GABRB1: variants seen among roughly 807,000 people sequenced by gnomAD.
GABRB1 encodes gamma-aminobutyric acid receptor subunit beta-1.
Under a neutral mutation model 51.6 loss-of-function variants are expected in GABRB1, and 17 were observed. The ratio of observed to expected loss-of-function variants is 0.33; its 90% CI spans 0.23 to 0.49. The LOEUF is 0.49. GABRB1 is among the 20% of genes least tolerant of loss of function. The probability of loss-of-function intolerance (pLI) is 0.99; values close to 1 mark genes in which losing one functional copy is unlikely to be tolerated. For missense variants in GABRB1, 410 were observed against 600.6 expected, an observed-to-expected ratio of 0.68 and a Z score of 3.32; for synonymous variants, 247 against 218.9, an observed-to-expected ratio of 1.13 and a Z score of -1.14.
At chr4:47,081,838 C>T (rs986067007) in intron 3 of GABRB1, among the ~76,000 whole-genome samples, 63 of 152,010 alleles carry the variant, frequency 4.1e-4, no homozygotes, top group African/African-American at 1.5e-3. Context: ...GGCAGAATAC[C>T]CTTTGGGGAA....
intron 8 of GABRB1, among the ~76,000 whole-genome samples, chr4:47,414,591 G>A (rs7678771): frequency 0.27 from 41,769 of 151,956 alleles, 6,195 homozygotes; most frequent in African/African-American, 0.38. Context: ...TGATTTGGGG[G>A]CCCCAAGATT....
chr4:47,344,339 G>A (rs897358366), intron 5 of GABRB1, among the ~76,000 whole-genome samples: 1 of 152,178 alleles, frequency 6.6e-6, no homozygotes, highest in Admixed American at 6.5e-5. Flanking sequence ...CTGTGTTCGG[G>A]TATAAAAAGA....
At position 47,159,564 on chromosome 4, in the gene GABRB1, G is replaced by A. The variant is rs184780403; in HGVS notation, c.241-1685G>A. 8.6e-4 allele frequency among the ~76,000 whole-genome samples: 131 copies of A among 151,898 alleles called. 1 individual carries two copies. The highest frequency in any genetic ancestry group is 6.9e-3 in the Middle Eastern group (2 of 290). On this transcript the variant is annotated intron_variant, in intron 3 of 8. Coordinates refer to ENST00000295454, the MANE Select transcript of GABRB1 (RefSeq NM_000812.4). ...GAAGGAGGTTTCATATCTTTAGAAA[G>A]GATATTGTGTGACTAACAGTCAAAC...
intron 3 of GABRB1, among the ~76,000 whole-genome samples, chr4:47,079,356 A>C (rs1029970278): frequency 6.6e-6 from 1 of 152,126 alleles, no homozygotes; most frequent in African/African-American, 2.4e-5. Context: ...TGTATGTGTC[A>C]AGGAATTTCT....
chr4:47,241,062 T>C (rs982039589), intron 4 of GABRB1, among the ~76,000 whole-genome samples: 3 of 152,142 alleles, frequency 2.0e-5, no homozygotes, highest in African/African-American at 4.8e-5. Context: ...TCCAGATCAG[T>C]TTCAGAAGTT....
At chr4:47,114,607 G>A (rs1281436442) in intron 3 of GABRB1, among the ~76,000 whole-genome samples, 1 of 152,102 alleles carries the variant, frequency 6.6e-6, no homozygotes, top group African/African-American at 2.4e-5. Context: ...TTTCTTCTTT[G>A]TTAGTTTGTA....
intron 3 of GABRB1, among the ~76,000 whole-genome samples, chr4:47,069,912 A>C (rs1727247698): frequency 6.6e-6 from 1 of 152,144 alleles, no homozygotes; most frequent in Admixed American, 6.6e-5. Flanking sequence ...GTACTCCACC[A>C]GAACACCTCA....
chr4:47,349,433 C>T (rs910639725), intron 5 of GABRB1, among the ~76,000 whole-genome samples: 2 of 152,140 alleles, frequency 1.3e-5, no homozygotes, highest in Non-Finnish European at 2.9e-5. Context: ...CATGGTTTCT[C>T]TTTCTGCAAT....
At chr4:47,174,207 G>A (rs1356459849) in intron 4 of GABRB1, among the ~76,000 whole-genome samples, 3 of 152,036 alleles carry the variant, frequency 2.0e-5, no homozygotes, top group Admixed American at 1.3e-4. Context: ...TGGCACCACA[G>A]GCACACGCCC....
At chr4:47,112,032 C>A (rs62305308) in intron 3 of GABRB1, among the ~76,000 whole-genome samples, 6,860 of 149,362 alleles carry the variant, frequency 0.046, 247 homozygotes, top group Non-Finnish European at 0.066. Context: ...TGCAGTGGCA[C>A]GATCTCGGCT....
chr4:47,386,483 C>T (rs538502969), intron 5 of GABRB1, among the ~76,000 whole-genome samples: 5 of 152,272 alleles, frequency 3.3e-5, no homozygotes, highest in African/African-American at 1.2e-4. Flanking sequence ...TTAGCATTTG[C>T]AGGTGTGATT....
Position 47,401,798 on chromosome 4 carries a change from TTCCA to T in GABRB1, c.545-1517_545-1514del, listed in dbSNP as rs1728394076. On this transcript the variant is annotated intron_variant, in intron 5 of 8. Transcript: ENST00000295454. ...ATGATCTCCTGAAATTGCCATCAAATTCCATCTATCTATCTATCTATCTAGCTAT... is the reference window on the plus strand; with the variant it reads ...ATGATCTCCTGAAATTGCCATCAAATTCTATCTATCTATCTATCTAGCTAT... Among the ~76,000 whole-genome samples the T allele has an allele frequency of 7.5e-5, 10 of 133,378 alleles. 1 individual carries two copies. The South Asian group carries it at 2.3e-3, about 31-fold the overall frequency. 87.5% of individuals were successfully genotyped at this position (133,378 alleles called of 152,430 possible).
chr4:47,024,409 T>C (rs974686855), intron 1 of GABRB1, among the ~76,000 whole-genome samples: 1 of 151,950 alleles, frequency 6.6e-6, no homozygotes, highest in African/African-American at 2.4e-5. Context: ...ACATTTCTAA[T>C]GACAGGAAGG....
At chr4:47,221,752 A>T (rs1578012155) in intron 4 of GABRB1, among the ~76,000 whole-genome samples, 1 of 152,048 alleles carries the variant, frequency 6.6e-6, no homozygotes. Flanking sequence ...TCTTGTGAGT[A>T]TCTCTCTTCC....
At chr4:47,355,175 T>G (rs1726520964) in intron 5 of GABRB1, among the ~76,000 whole-genome samples, 2 of 150,782 alleles carry the variant, frequency 1.3e-5, no homozygotes, top group Admixed American at 6.6e-5. Flanking sequence ...AGAGATGGGG[T>G]TTCACCATGT....
chr4:47,034,856 A>G (rs1725483018), intron 3 of GABRB1, among the ~76,000 whole-genome samples: 1 of 152,178 alleles, frequency 6.6e-6, no homozygotes, highest in Non-Finnish European at 1.5e-5. Flanking sequence ...TAATATAAAT[A>G]GGGTAGGAAG....
intron 7 of GABRB1, among the ~76,000 whole-genome samples, chr4:47,405,773 G>T: frequency 6.6e-6 from 1 of 152,062 alleles, no homozygotes; most frequent in South Asian, 2.1e-4. Flanking sequence ...ATCTACACTA[G>T]ATTCCAACTT....
chr4:47,125,435 ATACTC>A (rs1353851334), intron 3 of GABRB1, among the ~76,000 whole-genome samples: 2 of 152,064 alleles, frequency 1.3e-5, no homozygotes, highest in Non-Finnish European at 2.9e-5. Flanking sequence ...CAAATTAAAA[ATACTC>A]TAATACAGTA....
At chr4:47,056,653 T>G (rs1485974055) in intron 3 of GABRB1, among the ~76,000 whole-genome samples, 2 of 152,032 alleles carry the variant, frequency 1.3e-5, no homozygotes, top group African/African-American at 4.8e-5. Context: ...GGAACGTTGC[T>G]GGTCAAAAAT....
Sources: allele counts gnomAD v4.1 joint callset (sites outside exome capture counted in the v4.1 genomes callset), GRCh38; gene constraint gnomAD v4.1.1; transcripts MANE v1.5; gene names NCBI Gene and HGNC (gene_info 2026-07-23, HGNC 2026-07-21).